The following MYO1B variants were observed in gnomAD, a reference collection of about 807,000 sequenced individuals.
The protein encoded by MYO1B is unconventional myosin-Ib.
In MYO1B, 72 loss-of-function variants were observed where a neutral mutation model predicts 159.7. The observed-to-expected ratio is 0.45, with a 90% CI of 0.37 to 0.55. The LOEUF (loss-of-function observed/expected upper bound fraction) is 0.55, where lower values mean the gene tolerates loss of function less well. MYO1B is among the 20% of genes least tolerant of loss of function. The pLI, the probability that MYO1B is intolerant of heterozygous loss-of-function variation, is 0.00. For synonymous variants in MYO1B, 468 were observed against 473.8 expected, an observed-to-expected ratio of 0.99 and a Z score of 0.16; for missense variants, 1,062 against 1,364.8, an observed-to-expected ratio of 0.78 and a Z score of 3.50.
In MYO1B at chr2:191,270,011, C is replaced by T. The variant is rs148084474; in HGVS notation, c.-9-6876C>T. ...GTGGTAGAGATGATTGGTAGGCAGG[C>T]TGTCGATAATATGGGTTGCTAATTT... On this transcript the variant is annotated intron_variant, in intron 1 of 30. Transcript: ENST00000392318. 5.7e-3 allele frequency among the ~76,000 whole-genome samples: 869 copies of T among 152,206 alleles called. 5 individuals carry two copies. The highest frequency in any genetic ancestry group is 0.02 in the African/African-American group (823 of 41,526).
intron 8 of MYO1B, 57 bp from the exon 9 acceptor site, chr2:191,362,211 A>G (rs778147099): frequency 1.6e-6 from 2 of 1,279,760 alleles, no homozygotes; most frequent in Non-Finnish European, 2.3e-6. Flanking sequence ...AGGGAATGAG[A>G]TATTAAAGAT....
At chr2:191,275,986 G>A (rs1687729740) in intron 1 of MYO1B, among the ~76,000 whole-genome samples, 2 of 152,200 alleles carry the variant, frequency 1.3e-5, no homozygotes, top group East Asian at 1.9e-4. Flanking sequence ...ATGCACATTA[G>A]TAGCAGGGTA....
At chr2:191,311,503 C>G (rs1356410027) in intron 3 of MYO1B, among the ~76,000 whole-genome samples, 1 of 152,162 alleles carries the variant, frequency 6.6e-6, no homozygotes, top group Non-Finnish European at 1.5e-5. Context: ...AGTTTTTAAG[C>G]CGTTGCTTTG....
At chr2:191,400,925 A>G (rs1473887463) in intron 23 of MYO1B, 90 bp downstream of exon 23, 1 of 1,230,954 alleles carries the variant, frequency 8.1e-7, no homozygotes, top group Non-Finnish European at 1.2e-6. Context: ...AATGACTACA[A>G]TTAATAGTGG....
At chr2:191,353,313 T>C (rs533505311) in intron 7 of MYO1B, among the ~76,000 whole-genome samples, 1 of 152,348 alleles carries the variant, frequency 6.6e-6, no homozygotes, top group South Asian at 2.1e-4. Context: ...TTGCATCTAG[T>C]GTTATGAACT....
At chr2:191,392,566 C>G (rs1207878847) in intron 19 of MYO1B, among the ~76,000 whole-genome samples, 1 of 152,002 alleles carries the variant, frequency 6.6e-6, no homozygotes, top group Admixed American at 6.6e-5. Context: ...TTTAGAGGTA[C>G]AGGAAAGCAC....
intron 3 of MYO1B, among the ~76,000 whole-genome samples, chr2:191,303,980 T>C (rs1236589671): frequency 6.6e-6 from 1 of 152,172 alleles, no homozygotes; most frequent in Non-Finnish European, 1.5e-5. Context: ...TGGGTCAAAA[T>C]AAGCAGAAGG....
rs1398518265 is a variant in MYO1B, at chr2:191,381,562, G to A, written c.1286G>A (p.Arg429Gln). 3 of 1,603,770 alleles carry A rather than the reference G, an allele frequency of 1.9e-6. No homozygotes were observed. Among genetic ancestry groups the A allele is most frequent in the South Asian group, 2.2e-5 (2 of 90,688 alleles). ...TLKEEQEEYI[R>Q]EDIEWTHIDY... ...AAAGAAGAGCAGGAGGAGTATATAC[G>A]GGAGGTAATGTTGAAATGCTATTTT... Residue 429 changes from arginine (R) to glutamine (Q), a missense_variant, in exon 14 of 31, where the codon CGG (arginine) becomes CAG (glutamine). By Grantham distance (43) the Arg-to-Gln change is conservative. This residue lies in a region of MYO1B where 415 missense variants were observed against 544.0 expected (regional missense o/e 0.76). Transcript: ENST00000392318.
intron 7 of MYO1B, among the ~76,000 whole-genome samples, chr2:191,351,222 C>T (rs985240606): frequency 6.6e-5 from 10 of 151,366 alleles, no homozygotes; most frequent in Non-Finnish European, 1.3e-4. Context: ...ACTGAAGTAT[C>T]CAAAGTGTGC....
At chr2:191,263,073 A>G (rs549226959) in intron 1 of MYO1B, 2 of 152,322 alleles carry the variant, frequency 1.3e-5, no homozygotes, top group South Asian at 4.2e-4. Flanking sequence ...ATTGCCTGCT[A>G]AGTACTGTTT....
Position 191,296,107 on chromosome 2 carries a change from G to A in MYO1B, c.136-4G>A. 6.5e-7 allele frequency: 1 copy of A among 1,540,826 alleles called. No homozygotes were observed. Among genetic ancestry groups the A allele is most frequent in the Non-Finnish European group, 8.9e-7 (1 of 1,124,420 alleles). ...ATGGGCATGTTTTGTTCTTTCTTTT[G>A]CAGACATACATTGGAAGTGTGGTTA... is the stretch of plus-strand genomic sequence containing the variant. On this transcript the variant is annotated splice_region_variant and splice_polypyrimidine_tract_variant and intron_variant, in intron 2 of 30. Coordinates refer to ENST00000392318, the MANE Select transcript of MYO1B (RefSeq NM_001130158.3).
intron 3 of MYO1B, among the ~76,000 whole-genome samples, chr2:191,328,020 C>T (rs893512361): frequency 2.6e-5 from 4 of 152,100 alleles, no homozygotes; most frequent in African/African-American, 9.7e-5. Flanking sequence ...TGTAGGAGAA[C>T]ATGATGAGAG....
intron 20 of MYO1B, among the ~76,000 whole-genome samples, chr2:191,393,979 C>T (rs1695917884): frequency 6.6e-6 from 1 of 152,116 alleles, no homozygotes; most frequent in Non-Finnish European, 1.5e-5. Flanking sequence ...CTTTTTCAGC[C>T]ATAAAGAGAC....
rs543052286 is a variant in MYO1B, at chr2:191,374,615, G to A, written c.1185+4323G>A. Reference sequence around the variant, plus strand: ...ATGGATTTGACTGCAAAACATCCCAGTACCAGCTGGAAGTGCTGCCTGGCT... The same window carrying A: ...ATGGATTTGACTGCAAAACATCCCAATACCAGCTGGAAGTGCTGCCTGGCT... On this transcript the variant is annotated intron_variant, in intron 13 of 30. Coordinates refer to ENST00000392318, the MANE Select transcript of MYO1B (RefSeq NM_001130158.3). 1.8e-3 allele frequency among the ~76,000 whole-genome samples: 272 copies of A among 152,272 alleles called. 1 individual carries two copies. Among genetic ancestry groups the A allele is most frequent in the African/African-American group, 5.8e-3 (240 of 41,550 alleles).
chr2:191,389,579 G>C (rs1044668488), intron 17 of MYO1B, among the ~76,000 whole-genome samples: 1 of 152,174 alleles, frequency 6.6e-6, no homozygotes, highest in African/African-American at 2.4e-5. Flanking sequence ...ACACTGACTA[G>C]AGGCTGCAGA....
intron 28 of MYO1B, 83 bp downstream of exon 28, chr2:191,414,263 AT>A: frequency 1.3e-6 from 2 of 1,503,720 alleles, no homozygotes; most frequent in Non-Finnish European, 1.8e-6. Context: ...AAAAATTTGC[AT>A]TTCATGTTCT....
At chr2:191,406,434 C>T (rs868371656) in intron 24 of MYO1B, among the ~76,000 whole-genome samples, 11 of 152,228 alleles carry the variant, frequency 7.2e-5, no homozygotes, top group Non-Finnish European at 1.5e-4. Context: ...ATGCCTTCCT[C>T]ACTAAGCTTA....
rs756387787 is a variant in MYO1B at position 191,396,455 on chromosome 2, G to A, written c.2253G>A (p.Lys751=). 1 of 1,614,206 alleles carries A rather than the reference G, an allele frequency of 6.2e-7. No individual in the cohort carries two copies. Among genetic ancestry groups the A allele is most frequent in the Non-Finnish European group, 8.5e-7 (1 of 1,180,040 alleles). Residue 751 remains lysine (K), a synonymous_variant, in exon 21 of 31, where the codon AAG becomes AAA. Transcript: ENST00000392318. ...YAQQKRYQQT[K]SSALVIQSYI... ...AACAAAAGAGGTACCAGCAGACAAA[G>A]AGTTCCGCCTTAGTAATTCAGTCTT... is the stretch of plus-strand genomic sequence containing the variant.
intron 1 of MYO1B, among the ~76,000 whole-genome samples, chr2:191,264,409 A>C (rs1687002812): frequency 6.6e-6 from 1 of 152,224 alleles, no homozygotes; most frequent in Admixed American, 6.5e-5. Context: ...AGGCATTACC[A>C]AAGCTTCACT....
Sources: gnomAD v4.1 joint callset for allele counts (sites outside exome capture counted in the v4.1 genomes callset) on GRCh38, gnomAD v4.1.1 for gene constraint, gnomAD v4.1.1 regional missense constraint, MANE v1.5 for transcripts, NCBI Gene and HGNC (gene_info 2026-07-23, HGNC 2026-07-21) for gene names.